Variants in WDR4 observed in about 807,000 individuals in gnomAD.
WDR4 encodes WDR4 tRNA N7-guanosine methyltransferase non-catalytic subunit.
In WDR4, 47 loss-of-function variants were observed where a neutral mutation model predicts 48.6. That is an observed-to-expected ratio of 0.97 (90% CI 0.77 to 1.23). The LOEUF (loss-of-function observed/expected upper bound fraction) is 1.23, where lower values mean the gene tolerates loss of function less well. WDR4 is among the 50% of genes most tolerant of loss of function. The pLI is 0.00. For synonymous variants in WDR4, 268 were observed against 230.0 expected (o/e 1.17, Z -1.49); for missense variants, 606 against 551.6 (o/e 1.10, Z -0.99).
intron 10 of WDR4, among the ~76,000 whole-genome samples, 195 bp from the exon 11 acceptor site, chr21:42,850,437 G>C (rs1045004569): frequency 5.3e-5 from 8 of 152,212 alleles, no homozygotes; most frequent in African/African-American, 1.9e-4. Flanking sequence ...CTGAGGACTG[G>C]CTACTAACAG....
intron 3 of WDR4, among the ~76,000 whole-genome samples, chr21:42,864,808 G>C (rs1462385862): frequency 3.3e-5 from 5 of 152,246 alleles, no homozygotes; most frequent in Non-Finnish European, 7.4e-5. Flanking sequence ...CTCTCCACAA[G>C]GCAGGGACCC....
At chr21:42,863,419 C>T in intron 4 of WDR4, 21 bp downstream of exon 4, 1 of 1,599,656 alleles carries the variant, frequency 6.3e-7, no homozygotes, top group Non-Finnish European at 8.5e-7. Flanking sequence ...ATGTCCCCCA[C>T]CTACCACGTC....
chr21:42,879,539 C>T lies in WDR4; in HGVS notation c.-44G>A, dbSNP rs2058585772. 5.0e-6 allele frequency: 8 copies of T among 1,606,232 alleles called. No homozygotes were observed. The highest frequency in any genetic ancestry group is 1.1e-5 in the South Asian group (1 of 90,720). On this transcript the variant is annotated 5_prime_UTR_variant, in exon 1 of 11. Coordinates refer to ENST00000398208, the MANE Select transcript of WDR4 (RefSeq NM_018669.6). Reference sequence around the variant, plus strand: ...GCCATACACATGTGCCAGCCCAGAGCCTCTTCCTGTCCGCACCGGTCGGTG... The same window carrying T: ...GCCATACACATGTGCCAGCCCAGAGTCTCTTCCTGTCCGCACCGGTCGGTG...
chr21:42,852,487 G>A (rs1455087834), intron 9 of WDR4, among the ~76,000 whole-genome samples, 163 bp from the exon 10 acceptor site: 2 of 152,206 alleles, frequency 1.3e-5, no homozygotes, highest in Admixed American at 6.5e-5. Context: ...GGCAGCCCCC[G>A]CAGCTGGCCC....
upstream of WDR4, among the ~76,000 whole-genome samples, chr21:42,882,067 C>T (rs1172973638): frequency 6.6e-6 from 1 of 151,586 alleles, no homozygotes. Context: ...TCCCAAAGTG[C>T]TGGGATTACA....
chr21:42,892,786 G>A, the WDR4 span, among the ~76,000 whole-genome samples: 5 of 152,256 alleles, frequency 3.3e-5, no homozygotes, highest in Admixed American at 2.0e-4. Context: ...TGCAGGAGGG[G>A]CAGTGAGCAG....
upstream of WDR4, among the ~76,000 whole-genome samples, chr21:42,881,346 A>C (rs2839597): frequency 6.6e-6 from 1 of 152,124 alleles, no homozygotes; most frequent in African/African-American, 2.4e-5. Flanking sequence ...TATTGGGTCT[A>C]ATAATACTTT....
chr21:42,879,594 T>G, upstream of WDR4: 1 of 1,448,468 alleles, frequency 6.9e-7, no homozygotes, highest in Non-Finnish European at 9.5e-7. Context: ...AGAGATGACG[T>G]ATACCCCACG....
intron 2 of WDR4, among the ~76,000 whole-genome samples, chr21:42,876,099 T>C (rs979383105): frequency 4.0e-5 from 6 of 151,442 alleles, no homozygotes; most frequent in Non-Finnish European, 5.9e-5. Flanking sequence ...TTAGTAGAGA[T>C]GGAGTTTCAT....
At chr21:42,869,208 C>T (rs3788039) in intron 3 of WDR4, among the ~76,000 whole-genome samples, 21 of 152,100 alleles carry the variant, frequency 1.4e-4, no homozygotes, top group Non-Finnish European at 2.6e-4. Context: ...ATTTTCTGTA[C>T]GGACCAAAAC....
At chr21:42,848,293 C>T (rs915901762), downstream of WDR4, among the ~76,000 whole-genome samples, 1 of 151,978 alleles carries the variant, frequency 6.6e-6, no homozygotes, top group Non-Finnish European at 1.5e-5. Context: ...TCCCAAATCA[C>T]GCGGCGCACA....
At position 42,873,650 on chromosome 21, in the gene WDR4, G is replaced by A. The variant is rs146933186; in HGVS notation, c.197C>T (p.Ala66Val). ...PLDQGSGAIL[A>V]STFSKSGSYF... ...GCTGCCAGACTTGGAGAAGGTGGAC[G>A]CCAGAATCGCACCGCTCCCCTGGTC... Residue 66 changes from alanine (A) to valine (V), a missense_variant, in exon 3 of 11, where the codon GCG becomes GTG. Coordinates refer to ENST00000398208, the MANE Select transcript of WDR4 (RefSeq NM_018669.6). 344 of 1,613,964 alleles carry A rather than the reference G, an allele frequency of 2.1e-4. No homozygotes were observed. Among genetic ancestry groups the A allele is most frequent in the Non-Finnish European group, 2.6e-4 (312 of 1,180,004 alleles).
At chr21:42,879,300 T>G in intron 1 of WDR4, 107 bp downstream of exon 1, 3 of 1,453,392 alleles carry the variant, frequency 2.1e-6, no homozygotes, top group South Asian at 1.4e-5. Flanking sequence ...TTCCCCGGGG[T>G]CACCCCAGAG....
chr21:42,856,785 A>G (rs964344204), intron 6 of WDR4, among the ~76,000 whole-genome samples: 12 of 152,166 alleles, frequency 7.9e-5, no homozygotes, highest in Admixed American at 5.9e-4. Flanking sequence ...ACGCATGCAC[A>G]TACACACGCA....
chr21:42,877,309 A>C (rs2058516702), intron 1 of WDR4, among the ~76,000 whole-genome samples: 1 of 151,336 alleles, frequency 6.6e-6, no homozygotes, highest in South Asian at 2.1e-4. Context: ...ACGCCTGGCT[A>C]ATTTTTGTAG....
intron 2 of WDR4, among the ~76,000 whole-genome samples, chr21:42,875,663 T>C (rs966461071): frequency 6.6e-6 from 1 of 152,246 alleles, no homozygotes; most frequent in Non-Finnish European, 1.5e-5. Context: ...GTTATGTTTG[T>C]GCAACTGCAC....
In WDR4 at chr21:42,873,634, C is replaced by G. The variant is rs2248490; in HGVS notation, c.213G>C (p.Lys71Asn). ...SGAILASTFS[K>N]SGSYFALTDD... ...CGGTTAAAGCAAAATAGCTGCCAGA[C>G]TTGGAGAAGGTGGACGCCAGAATCG... The change falls in exon 3 of 11, where the codon AAG becomes AAC. Residue 71 changes from lysine to asparagine, a missense_variant. Transcript: ENST00000398208. The G allele has an allele frequency of 0.52, 837,171 of 1,613,436 alleles. 221,381 individuals carry two copies. Among genetic ancestry groups the G allele is most frequent in the African/African-American group, 0.71 (52,847 of 74,944 alleles).
the WDR4 span, among the ~76,000 whole-genome samples, chr21:42,889,929 A>C: frequency 4.6e-5 from 7 of 152,064 alleles, no homozygotes; most frequent in African/African-American, 1.7e-4. Flanking sequence ...TTAAAACACA[A>C]TTTTAGGCCC....
At position 42,859,647 on chromosome 21, in the gene WDR4, G is replaced by A; in HGVS notation, c.627+15C>T. On this transcript the variant is annotated intron_variant, in intron 6 of 10. Transcript: ENST00000398208. ...CAAGAATCCAGAGGTGAGTGACGCT[G>A]GGCAGAACACTTACCCCAGAGGAGG... 6.8e-7 allele frequency: 1 copy of A among 1,472,620 alleles called. No individual in the cohort carries two copies. Among genetic ancestry groups the A allele is most frequent in the Non-Finnish European group, 9.1e-7 (1 of 1,097,706 alleles). 91.2% of individuals were successfully genotyped at this position (1,472,620 alleles called of 1,614,324 possible).
Sources: allele counts gnomAD v4.1 joint callset (sites outside exome capture counted in the v4.1 genomes callset), GRCh38; gene constraint gnomAD v4.1.1; transcripts MANE v1.5; gene names NCBI Gene and HGNC (gene_info 2026-07-23, HGNC 2026-07-21).